The following ANO3 variants were observed in gnomAD, a reference collection of about 807,000 sequenced individuals.
The protein encoded by ANO3 is anoctamin-3.
Under a neutral mutation model 144.8 loss-of-function variants are expected in ANO3, and 99 were observed. The ratio of observed to expected loss-of-function variants is 0.68; its 90% CI spans 0.58 to 0.81. The LOEUF (loss-of-function observed/expected upper bound fraction) is 0.81, where lower values mean the gene tolerates loss of function less well. Among genes scored for constraint, ANO3 ranks in the 30% least tolerant of loss-of-function variants. The pLI is 0.00. For synonymous variants in ANO3, 414 were observed against 392.6 expected (o/e 1.05, Z -0.64); for missense variants, 905 against 1,202.2 (o/e 0.75, Z 3.66).
chr11:26,415,056 ATGTGTGTGTGTGTGTGTGTG>A (rs149901742), intron 1 of ANO3, among the ~76,000 whole-genome samples: 1 of 145,568 alleles, frequency 6.9e-6, no homozygotes, highest in Non-Finnish European at 1.5e-5. Flanking sequence ...ATTGGTGTGT[ATGTGTGTGTGTGTGTGTGTG>A]TGTGTGTGTG....
At chr11:26,621,128 A>G (rs531362059) in intron 17 of ANO3, among the ~76,000 whole-genome samples, 4 of 152,334 alleles carry the variant, frequency 2.6e-5, no homozygotes, top group African/African-American at 9.6e-5. Flanking sequence ...CCCCCTCACA[A>G]TAACCATGTC....
chr11:26,262,023 C>T lies in ANO3; in HGVS notation c.155-47622C>T, dbSNP rs556864647. Among the ~76,000 whole-genome samples, 16 of 152,246 alleles carry T rather than the reference C, an allele frequency of 1.1e-4. No individual in the cohort carries two copies. In the South Asian group the frequency reaches 2.9e-3, roughly 28 times the overall value. The stretch of plus-strand genomic sequence containing the variant: ...GTTCAAATGTAAGGGCCAGTATCAT[C>T]GTCTGTGATAGCAGGTGCTACTAAT... On this transcript the variant is annotated intron_variant, in intron 1 of 27. Coordinates refer to the ANO3 transcript ENST00000672621.
At chr11:26,460,544 G>T (rs1198232184) in intron 3 of ANO3, among the ~76,000 whole-genome samples, 5 of 151,930 alleles carry the variant, frequency 3.3e-5, no homozygotes, top group Admixed American at 3.3e-4. Flanking sequence ...AAAATGATTA[G>T]CTCTAGTCAG....
At chr11:26,196,221 A>T (rs987008835) in intron 1 of ANO3, among the ~76,000 whole-genome samples, 1 of 152,300 alleles carries the variant, frequency 6.6e-6, no homozygotes, top group Middle Eastern at 3.4e-3. Context: ...AAATACAAAG[A>T]TCTGGGAGTC....
Position 26,244,987 on chromosome 11 carries a change from G to GTA in ANO3, c.154+55658_154+55659insAT, listed in dbSNP as rs1852751537. Among the ~76,000 whole-genome samples, 46 of 128,486 alleles carry GTA rather than the reference G, an allele frequency of 3.6e-4. 1 individual carries two copies. Among genetic ancestry groups the GTA allele is most frequent in the Admixed American group, 3.3e-3 (43 of 13,142 alleles). The allele number at this position is 128,486 out of a possible 152,430, so 84.3% of individuals were successfully genotyped here. ...TTCTGGTCTCCTGGTGTGTGTGTGT[G>GTA]TGTGTGTGTGTGTGTGTGTGTGTGT... On this transcript the variant is annotated intron_variant, in intron 1 of 27. Transcript: ENST00000672621.
intron 1 of ANO3, among the ~76,000 whole-genome samples, chr11:26,276,631 C>G (rs948080038): frequency 2.6e-5 from 4 of 152,146 alleles, no homozygotes; most frequent in African/African-American, 9.7e-5. Flanking sequence ...GCATCACCCA[C>G]TTTGTTCTAT....
chr11:26,224,635 T>C (rs1852219953), intron 1 of ANO3, among the ~76,000 whole-genome samples: 1 of 152,222 alleles, frequency 6.6e-6, no homozygotes. Flanking sequence ...AGAGGGTCCC[T>C]GACATTCAGA....
chr11:26,281,441 T>G (rs1187946584), intron 1 of ANO3, among the ~76,000 whole-genome samples: 1 of 152,190 alleles, frequency 6.6e-6, no homozygotes, highest in Non-Finnish European at 1.5e-5. Flanking sequence ...TACTCCTAAA[T>G]TTTTATTAGC....
intron 14 of ANO3, among the ~76,000 whole-genome samples, chr11:26,586,170 G>A (rs752790063): frequency 1.3e-5 from 2 of 152,024 alleles, no homozygotes; most frequent in Non-Finnish European, 2.9e-5. Flanking sequence ...TACTGATGAT[G>A]GGGTATTGTT....
At chr11:26,570,597 A>G (rs771369778) in intron 14 of ANO3, among the ~76,000 whole-genome samples, 25 of 152,126 alleles carry the variant, frequency 1.6e-4, no homozygotes, top group Non-Finnish European at 2.9e-4. Context: ...GGCATAATAT[A>G]AAAACATGTT....
At chr11:26,463,772 T>G (rs187763456) in intron 4 of ANO3, among the ~76,000 whole-genome samples, 1 of 152,034 alleles carries the variant, frequency 6.6e-6, no homozygotes, top group Non-Finnish European at 1.5e-5. Flanking sequence ...CTTCAAAGCA[T>G]GGGAGTGTTC....
At chr11:26,293,952 T>A (rs1339089489) in intron 1 of ANO3, among the ~76,000 whole-genome samples, 1 of 152,106 alleles carries the variant, frequency 6.6e-6, no homozygotes, top group African/African-American at 2.4e-5. Flanking sequence ...ACCTAAATAG[T>A]TTTGTCGCTT....
chr11:26,419,305 G>T (rs188168148), intron 1 of ANO3, among the ~76,000 whole-genome samples: 1 of 152,220 alleles, frequency 6.6e-6, no homozygotes, highest in Admixed American at 6.6e-5. Flanking sequence ...TGGAGATTTG[G>T]GTAGGACGCA....
intron 1 of ANO3, among the ~76,000 whole-genome samples, chr11:26,337,116 G>C (rs1224296619): frequency 4.6e-5 from 7 of 152,042 alleles, no homozygotes; most frequent in African/African-American, 1.7e-4. Flanking sequence ...CCCCCAGTAA[G>C]AGTGAGCCAA....
chr11:26,406,122 G>T (rs775931907), intron 1 of ANO3, among the ~76,000 whole-genome samples: 2 of 151,856 alleles, frequency 1.3e-5, no homozygotes. Flanking sequence ...TGAGTAATTT[G>T]TAAACAGTAG....
intron 17 of ANO3, among the ~76,000 whole-genome samples, chr11:26,622,462 G>C (rs887293951): frequency 1.3e-5 from 2 of 150,782 alleles, no homozygotes; most frequent in East Asian, 1.9e-4. Flanking sequence ...AATGAGCCAG[G>C]CATCATAGTG....
At chr11:26,568,322 G>A (rs914949550) in intron 14 of ANO3, among the ~76,000 whole-genome samples, 3 of 151,964 alleles carry the variant, frequency 2.0e-5, no homozygotes, top group Non-Finnish European at 4.4e-5. Context: ...TGTGTCCAAG[G>A]ACACACAGCT....
At chr11:26,331,517 T>C (rs1855040150), upstream of ANO3, 1 of 152,186 alleles carries the variant, frequency 6.6e-6, no homozygotes, top group Non-Finnish European at 1.5e-5. Context: ...ATAGTTTACC[T>C]ACATTACAGG....
intron 24 of ANO3, among the ~76,000 whole-genome samples, chr11:26,649,053 GAC>G (rs1853439811): frequency 6.6e-6 from 1 of 152,114 alleles, no homozygotes; most frequent in Admixed American, 6.5e-5. Context: ...CTTGAAGCCG[GAC>G]ATTTTAGGTT....
Sources: gnomAD v4.1 joint callset for allele counts (sites outside exome capture counted in the v4.1 genomes callset) on GRCh38, gnomAD v4.1.1 for gene constraint, MANE v1.5 for transcripts, NCBI Gene and HGNC (gene_info 2026-07-23, HGNC 2026-07-21) for gene names.